KLRD1: variants seen among roughly 807,000 people sequenced by gnomAD.
The protein encoded by KLRD1 is natural killer cells antigen CD94.
KLRD1 carries 21 observed loss-of-function variants against 22.6 expected under a neutral mutation model. The ratio of observed to expected loss-of-function variants is 0.93; its 90% CI spans 0.66 to 1.34. KLRD1 has a LOEUF of 1.34. Ranked by LOEUF, KLRD1 falls within the 40% of genes most tolerant of loss-of-function variation. KLRD1 has a pLI of 0.00. For synonymous variants in KLRD1, 59 were observed against 71.1 expected (o/e 0.83, Z 0.85); for missense variants, 183 against 208.6 (o/e 0.88, Z 0.76).
upstream of KLRD1, among the ~76,000 whole-genome samples, chr12:10,305,324 G>A (rs2137681307): frequency 6.6e-6 from 1 of 152,284 alleles, no homozygotes; most frequent in South Asian, 2.1e-4. Flanking sequence ...TGTAAGTGAA[G>A]CTGGATATTT....
chr12:10,284,986 A>T (rs576764199), intron 1 of KLRD1, among the ~76,000 whole-genome samples: 2 of 152,328 alleles, frequency 1.3e-5, no homozygotes, highest in East Asian at 3.9e-4. Flanking sequence ...CATCTCAAAA[A>T]AAAAAGAAAT....
At position 10,267,441 on chromosome 12, in the gene KLRD1, A is replaced by T. The variant is rs61919854; in HGVS notation, c.-100-40537A>T. 8.8e-3 allele frequency among the ~76,000 whole-genome samples: 1,335 copies of T among 152,340 alleles called. 8 individuals carry two copies. The highest frequency in any genetic ancestry group is 0.016 in the South Asian group (78 of 4,824). On this transcript the variant is annotated intron_variant, in intron 1 of 5. Transcript: ENST00000544747. ...AATAAAAAAATTTCACTAAATATTT[A>T]CAATGTGTCAACATACTATTCAAAA...
rs747416337 is a variant in KLRD1 at position 10,325,839 on chromosome 12, T to C, written c.*11046T>C. ...TTTGCATAATTACCCAGAAAGGGGA[T>C]TGGTGGATCATATGGTAGTTCTATT... On this transcript the variant is annotated 3_prime_UTR_variant, in exon 6 of 6. Coordinates refer to ENST00000336164, the MANE Select transcript of KLRD1 (RefSeq NM_002262.5). 2 of 152,202 alleles carry C rather than the reference T, an allele frequency of 1.3e-5. No individual in the cohort carries two copies. Among genetic ancestry groups the C allele is most frequent in the African/African-American group, 4.8e-5 (2 of 41,438 alleles). The allele number at this position is 152,202 out of a possible 1,614,324, so 9.4% of individuals were successfully genotyped here.
chr12:10,290,411 C>G (rs1366714994), intron 1 of KLRD1, among the ~76,000 whole-genome samples: 1 of 152,144 alleles, frequency 6.6e-6, no homozygotes, highest in Non-Finnish European at 1.5e-5. Context: ...GGATCTTTAA[C>G]TCTAGGAATA....
chr12:10,319,139 T>C lies in KLRD1; in HGVS notation c.*4346T>C, dbSNP rs1950286242. ...TTGACTGTGTTACAAAAGAATTTTATTGACAAAACATATGGTGAGACAGAT... is the reference window on the plus strand; with the variant it reads ...TTGACTGTGTTACAAAAGAATTTTACTGACAAAACATATGGTGAGACAGAT... On this transcript the variant is annotated 3_prime_UTR_variant, in exon 6 of 6. Coordinates refer to ENST00000336164, the MANE Select transcript of KLRD1 (RefSeq NM_002262.5). 6.6e-6 allele frequency: 1 copy of C among 152,202 alleles called. No individual in the cohort carries two copies. Among genetic ancestry groups the C allele is most frequent in the African/African-American group, 2.4e-5 (1 of 41,446 alleles). The allele number at this position is 152,202 out of a possible 1,614,324, so 9.4% of individuals were successfully genotyped here.
upstream of KLRD1, among the ~76,000 whole-genome samples, chr12:10,305,885 G>A (rs1467906217): frequency 1.3e-5 from 2 of 152,044 alleles, no homozygotes; most frequent in African/African-American, 2.4e-5. Flanking sequence ...AACAGAGGCC[G>A]GGCACGGTGG....
In KLRD1 at chr12:10,319,350, G is replaced by A. The variant is rs1034404189; in HGVS notation, c.*4557G>A. Reference sequence around the variant, plus strand: ...CTATCAATCTGTGTTCATTTTAAAGGGTGACAATCTACAAATTATGTGTTA... The same window carrying A: ...CTATCAATCTGTGTTCATTTTAAAGAGTGACAATCTACAAATTATGTGTTA... On this transcript the variant is annotated 3_prime_UTR_variant, in exon 6 of 6. Coordinates refer to ENST00000336164, the MANE Select transcript of KLRD1 (RefSeq NM_002262.5). 6.6e-6 allele frequency: 1 copy of A among 151,964 alleles called. No homozygotes were observed. Among genetic ancestry groups the A allele is most frequent in the Non-Finnish European group, 1.5e-5 (1 of 67,986 alleles). The allele number at this position is 151,964 out of a possible 1,614,324, so 9.4% of individuals were successfully genotyped here. A position where few individuals can be genotyped will look rare whatever the true frequency, so the allele number is the denominator to read the frequency against.
In KLRD1 at chr12:10,250,261, A is replaced by T. The variant is rs1949334351; in HGVS notation, c.-101+24028A>T. On this transcript the variant is annotated intron_variant, in intron 1 of 5. Coordinates refer to the KLRD1 transcript ENST00000544747. The stretch of plus-strand genomic sequence containing the variant: ...TGTTATGAGTGCTGGAAACCAAGAA[A>T]GGATGAGCAAAGAAAAAAGTTCCCC... Among the ~76,000 whole-genome samples the T allele has an allele frequency of 2.7e-5, 4 of 145,486 alleles. No homozygotes were observed. In the Admixed American group the frequency reaches 2.8e-4, roughly 10 times the overall value.
At chr12:10,291,689 T>C (rs988525079) in intron 1 of KLRD1, among the ~76,000 whole-genome samples, 7 of 151,266 alleles carry the variant, frequency 4.6e-5, no homozygotes, top group African/African-American at 1.2e-4. Flanking sequence ...GTTTGTTACA[T>C]AGGTATACAT....
chr12:10,328,319 T>C lies in KLRD1; in HGVS notation c.*13526T>C, dbSNP rs1950379576. The C allele has an allele frequency of 6.6e-6, 1 of 152,198 alleles. No individual in the cohort carries two copies. Among genetic ancestry groups the C allele is most frequent in the African/African-American group, 2.4e-5 (1 of 41,462 alleles). 9.4% of individuals were successfully genotyped at this position (152,198 alleles called of 1,614,324 possible). ...TTTTTGTTGTAAGTTTCTTGATTAC[T>C]GATTCAATCTTCATTCTAGTTATAG... On this transcript the variant is annotated 3_prime_UTR_variant, in exon 6 of 6. Coordinates refer to ENST00000336164, the MANE Select transcript of KLRD1 (RefSeq NM_002262.5).
chr12:10,305,238 G>A (rs1225854999), upstream of KLRD1, among the ~76,000 whole-genome samples: 2 of 152,184 alleles, frequency 1.3e-5, no homozygotes, highest in Non-Finnish European at 2.9e-5. Flanking sequence ...TCCTGCAATG[G>A]ATACTAGGGG....
rs1592102847 is a variant in KLRD1 at position 10,319,639 on chromosome 12, C to T, written c.*4846C>T. On this transcript the variant is annotated 3_prime_UTR_variant, in exon 6 of 6. Transcript: ENST00000336164. ...GGACCATGCGGCAAGGAACTGAAGA[C>T]TCTTACACACAGCCAGCAAGGAACT... The T allele has an allele frequency of 6.6e-6, 1 of 152,276 alleles. No homozygotes were observed. The highest frequency in any genetic ancestry group is 1.5e-5 in the Non-Finnish European group (1 of 68,046). 9.4% of individuals were successfully genotyped at this position (152,276 alleles called of 1,614,324 possible).
rs1592104850 is a variant in KLRD1, at chr12:10,324,584, T to C, written c.*9791T>C. 1 of 151,788 alleles carries C rather than the reference T, an allele frequency of 6.6e-6. No homozygotes were observed. The highest frequency in any genetic ancestry group is 1.5e-5 in the Non-Finnish European group (1 of 67,918). 9.4% of individuals were successfully genotyped at this position (151,788 alleles called of 1,614,324 possible). ...GGACATGATTTTTTTCTTTTTTATG[T>C]CTGCATAGTATTCCATGGTGTATAT... On this transcript the variant is annotated 3_prime_UTR_variant, in exon 6 of 6. Transcript: ENST00000336164.
chr12:10,284,301 G>A (rs747134624), intron 1 of KLRD1, among the ~76,000 whole-genome samples: 8 of 152,206 alleles, frequency 5.3e-5, no homozygotes, highest in Non-Finnish European at 8.8e-5. Context: ...TATAACATGT[G>A]TGTAAAATCA....
rs1397212198 is a variant in KLRD1 at position 10,324,816 on chromosome 12, G to GTATATATATATATATATATA, written c.*10024_*10025insATATATATATATATATATAT. The GTATATATATATATATATATA allele has an allele frequency of 4.3e-3, 71 of 16,592 alleles. No individual in the cohort carries two copies. Among genetic ancestry groups the GTATATATATATATATATATA allele is most frequent in the Admixed American group, 5.8e-3 (4 of 692 alleles). The allele number at this position is 16,592 out of a possible 1,614,324, so 1.0% of individuals were successfully genotyped here. On this transcript the variant is annotated 3_prime_UTR_variant, in exon 6 of 6. Coordinates refer to ENST00000336164, the MANE Select transcript of KLRD1 (RefSeq NM_002262.5). Reference sequence around the variant, plus strand: ...TAAGTATATATGTATATGTGTGTGTGTGTATATATATATATATATATATAT... The same window carrying GTATATATATATATATATATA: ...TAAGTATATATGTATATGTGTGTGTGTATATATATATATATATATATGTATATATATATATATATATATAT...
At position 10,324,761 on chromosome 12, in the gene KLRD1, T is replaced by G. The variant is rs1461605770; in HGVS notation, c.*9968T>G. ...TTTAAAGCTATTATACATTTTATTT[T>G]CTAATTTCAAATGTTTTATTTTAAA... On this transcript the variant is annotated 3_prime_UTR_variant, in exon 6 of 6. Coordinates refer to ENST00000336164, the MANE Select transcript of KLRD1 (RefSeq NM_002262.5). The G allele has an allele frequency of 6.7e-6, 1 of 148,274 alleles. No individual in the cohort carries two copies. The highest frequency in any genetic ancestry group is 1.5e-5 in the Non-Finnish European group (1 of 67,146). 9.2% of individuals were successfully genotyped at this position (148,274 alleles called of 1,614,324 possible). A position where few individuals can be genotyped will look rare whatever the true frequency, so the allele number is the denominator to read the frequency against.
chr12:10,262,396 G>C (rs1949461686), intron 1 of KLRD1, among the ~76,000 whole-genome samples: 1 of 152,068 alleles, frequency 6.6e-6, no homozygotes, highest in Non-Finnish European at 1.5e-5. Flanking sequence ...GTCATTCAGT[G>C]AATTATAATT....
At chr12:10,275,240 A>T (rs1226709348) in intron 1 of KLRD1, among the ~76,000 whole-genome samples, 2 of 152,004 alleles carry the variant, frequency 1.3e-5, no homozygotes, top group Non-Finnish European at 2.9e-5. Flanking sequence ...TTTTTCGGGT[A>T]CTTTGCTTGT....
intron 1 of KLRD1, among the ~76,000 whole-genome samples, chr12:10,241,274 G>A (rs1410973257): frequency 2.6e-5 from 4 of 152,122 alleles, no homozygotes. Context: ...CTTTGTTACG[G>A]TTTGTATAAG....
Sources: allele counts gnomAD v4.1 joint callset (sites outside exome capture counted in the v4.1 genomes callset), GRCh38; gene constraint gnomAD v4.1.1; transcripts MANE v1.5; gene names NCBI Gene and HGNC (gene_info 2026-07-23, HGNC 2026-07-21).